Variants in SMC2 observed in about 807,000 individuals in gnomAD.
SMC2 encodes structural maintenance of chromosomes 2, also known as structural maintenance of chromosomes protein 2.
A neutral mutation model predicts 142.6 loss-of-function variants in SMC2; 41 were observed. The ratio of observed to expected loss-of-function variants is 0.29; its 90% CI spans 0.22 to 0.37. The LOEUF (loss-of-function observed/expected upper bound fraction) is 0.37. SMC2 is among the 10% of genes least tolerant of loss of function. The pLI is 1.00. For synonymous variants in SMC2, 463 were observed against 457.5 expected (o/e 1.01, Z -0.15); for missense variants, 1,265 against 1,373.7 (o/e 0.92, Z 1.25).
At chr9:104,110,771 C>T (rs984295055) in intron 9 of SMC2, among the ~76,000 whole-genome samples, 23 of 152,218 alleles carry the variant, frequency 1.5e-4, no homozygotes, top group African/African-American at 5.1e-4. Context: ...CGCAGTCACT[C>T]CTCTCACTTC....
intron 9 of SMC2, among the ~76,000 whole-genome samples, chr9:104,102,849 A>G (rs1434813711): frequency 6.6e-6 from 1 of 152,130 alleles, no homozygotes; most frequent in Non-Finnish European, 1.5e-5. Context: ...GGGGATTAGG[A>G]GTGTAGGGGA....
intron 4 of SMC2, among the ~76,000 whole-genome samples, chr9:104,098,984 T>C (rs1830804930): frequency 6.6e-6 from 1 of 152,142 alleles, no homozygotes; most frequent in Non-Finnish European, 1.5e-5. Context: ...CATTACTTCA[T>C]TTGACCCATC....
chr9:104,124,865 C>A, intron 17 of SMC2, 47 bp from the exon 18 acceptor site: 2 of 1,451,034 alleles, frequency 1.4e-6, no homozygotes, highest in Non-Finnish European at 1.9e-6. Context: ...AATTTGTCAA[C>A]CTTTACCATT....
At position 104,129,678 on chromosome 9, in the gene SMC2, A is replaced by G; in HGVS notation, c.2824A>G (p.Asn942Asp). 2 of 1,613,990 alleles carry G rather than the reference A, an allele frequency of 1.2e-6. No individual in the cohort carries two copies. Residue 942 changes from asparagine to aspartate, a missense_variant, in exon 21 of 25, where the codon AAT becomes GAT. Asn to Asp is a conservative substitution (Grantham distance 23). Coordinates refer to ENST00000374793, the MANE Select transcript of SMC2 (RefSeq NM_006444.3). The stretch of plus-strand genomic sequence containing the variant: ...AATGTTGAAAGATTATGACTGGATT[A>G]ATGCAGAGAGACACCTCTTTGGCCA... ...SKMLKDYDWI[N>D]AERHLFGQPN...
chr9:104,130,451 ATATTAATGCCCC>A (rs796637288), intron 21 of SMC2, among the ~76,000 whole-genome samples: 85 of 152,272 alleles, frequency 5.6e-4, no homozygotes, highest in African/African-American at 1.5e-3. Flanking sequence ...TAGTAATTTT[ATATTAATGCCCC>A]TATTAATGCC....
chr9:104,091,533 T>C (rs1440954534), upstream of SMC2, among the ~76,000 whole-genome samples: 2 of 152,178 alleles, frequency 1.3e-5, no homozygotes, highest in Admixed American at 6.5e-5. Context: ...GTGAGACTCC[T>C]TCTCTGAAAA....
At position 104,094,362 on chromosome 9, in the gene SMC2, A is replaced by G; in HGVS notation, c.-177A>G. ...TTGAGAGCGGTGTGGCAGGTGTTGT[A>G]GCCGCTATGGTGAAGTTCGCTTTGT... is the stretch of plus-strand genomic sequence containing the variant. On this transcript the variant is annotated 5_prime_UTR_variant, in exon 1 of 25. Transcript: ENST00000374793. 1 of 398,764 alleles carries G rather than the reference A, an allele frequency of 2.5e-6. No individual in the cohort carries two copies. Among genetic ancestry groups the G allele is most frequent in the Non-Finnish European group, 4.4e-6 (1 of 226,190 alleles). 24.7% of individuals were successfully genotyped at this position (398,764 alleles called of 1,614,324 possible). A position where few individuals can be genotyped will look rare whatever the true frequency, so the allele number is the denominator to read the frequency against.
chr9:104,128,443 G>A (rs377573366), intron 20 of SMC2, among the ~76,000 whole-genome samples: 1 of 152,122 alleles, frequency 6.6e-6, no homozygotes, highest in South Asian at 2.1e-4. Flanking sequence ...ATTTACAAGA[G>A]TAAAAGGAGG....
chr9:104,110,014 G>C (rs1377427798), intron 9 of SMC2, among the ~76,000 whole-genome samples: 2 of 152,194 alleles, frequency 1.3e-5, no homozygotes, highest in Non-Finnish European at 2.9e-5. Flanking sequence ...TGTTGCTATT[G>C]TGGTGAGCTC....
chr9:104,093,970 C>T (rs1423140065), upstream of SMC2, among the ~76,000 whole-genome samples: 2 of 152,230 alleles, frequency 1.3e-5, no homozygotes, highest in Non-Finnish European at 2.9e-5. Context: ...ACAGCCAGCA[C>T]CGCAGACTGG....
At chr9:104,090,033 G>C (rs1219275026), upstream of SMC2, among the ~76,000 whole-genome samples, 5 of 152,166 alleles carry the variant, frequency 3.3e-5, no homozygotes, top group Non-Finnish European at 1.5e-5. Flanking sequence ...TAGAGAATGT[G>C]AGCTCTGTAA....
At chr9:104,094,582 G>A in intron 1 of SMC2, 105 bp downstream of exon 1, 2 of 373,204 alleles carry the variant, frequency 5.4e-6, no homozygotes. Flanking sequence ...TAGGGAGGGG[G>A]ACCAGTGGCA....
At chr9:104,135,384 G>A (rs1049328143) in intron 23 of SMC2, among the ~76,000 whole-genome samples, 4 of 152,080 alleles carry the variant, frequency 2.6e-5, no homozygotes, top group Admixed American at 2.6e-4. Context: ...TGAAGACATA[G>A]CAATAGAACA....
intron 3 of SMC2, among the ~76,000 whole-genome samples, chr9:104,097,523 A>AAG (rs1830590608): frequency 6.6e-6 from 1 of 151,252 alleles, no homozygotes; most frequent in Non-Finnish European, 1.5e-5. Context: ...AAAAAAAAAA[A>AAG]AAAGAAGCGT....
intron 9 of SMC2, among the ~76,000 whole-genome samples, chr9:104,105,767 G>T (rs1442040912): frequency 1.3e-5 from 2 of 152,124 alleles, no homozygotes; most frequent in East Asian, 3.9e-4. Context: ...GAATGCTAGG[G>T]TAGTTCACTA....
In SMC2 at chr9:104,123,375, T is replaced by C. The variant is rs756006638; in HGVS notation, c.2257+143T>C. ...AAAATCCAAGTATGGGATTTCTAGG[T>C]CTTAGGGTATGGTCATTTTCATCTT... is the stretch of plus-strand genomic sequence containing the variant. On this transcript the variant is annotated intron_variant, in intron 17 of 24. Coordinates refer to ENST00000374793, the MANE Select transcript of SMC2 (RefSeq NM_006444.3). The C allele has an allele frequency of 6.0e-5, 41 of 678,806 alleles. 1 individual carries two copies. The highest frequency in any genetic ancestry group is 8.8e-5 in the Non-Finnish European group (40 of 452,714). 42.0% of individuals were successfully genotyped at this position (678,806 alleles called of 1,614,324 possible).
chr9:104,111,834 C>G lies in SMC2; in HGVS notation c.1254+20C>G. The G allele has an allele frequency of 6.6e-7, 1 of 1,513,998 alleles. No homozygotes were observed. Among genetic ancestry groups the G allele is most frequent in the Middle Eastern group, 1.8e-4 (1 of 5,694 alleles). 93.8% of individuals were successfully genotyped at this position (1,513,998 alleles called of 1,614,324 possible). ...AAACAGGTAAATAGAGACATTAGCA[C>G]TATGTGATTGCTTTTTTTTCCAAGA... On this transcript the variant is annotated intron_variant, in intron 10 of 24. Transcript: ENST00000374793.
intron 9 of SMC2, among the ~76,000 whole-genome samples, chr9:104,104,182 T>C (rs1831494567): frequency 6.6e-6 from 1 of 152,234 alleles, no homozygotes; most frequent in Admixed American, 6.5e-5. Flanking sequence ...TATATGTTGA[T>C]GCCCTCCAAA....
rs927846537 is a variant in SMC2, at chr9:104,140,692, G to A, written c.*1377G>A. Reference sequence around the variant, plus strand: ...GGGGAGAGGAAATAATGCTGTAAATGTTGAGTTACAGAAAGTCCAATGTCA... The same window carrying A: ...GGGGAGAGGAAATAATGCTGTAAATATTGAGTTACAGAAAGTCCAATGTCA... On this transcript the variant is annotated 3_prime_UTR_variant, in exon 25 of 25. Coordinates refer to ENST00000374793, the MANE Select transcript of SMC2 (RefSeq NM_006444.3). 3 of 152,420 alleles carry A rather than the reference G, an allele frequency of 2.0e-5. No homozygotes were observed. The highest frequency in any genetic ancestry group is 7.3e-5 in the African/African-American group (3 of 41,290). 9.4% of individuals were successfully genotyped at this position (152,420 alleles called of 1,614,324 possible). A position where few individuals can be genotyped will look rare whatever the true frequency, so the allele number is the denominator to read the frequency against.
Sources: allele counts gnomAD v4.1 joint callset (sites outside exome capture counted in the v4.1 genomes callset), GRCh38; gene constraint gnomAD v4.1.1; transcripts MANE v1.5; gene names NCBI Gene and HGNC (gene_info 2026-07-23, HGNC 2026-07-21).